FGF12: variants seen among roughly 807,000 people sequenced by gnomAD.
FGF12 encodes fibroblast growth factor 12B.
FGF12 carries 14 observed loss-of-function variants against 23.6 expected under a neutral mutation model. That is an observed-to-expected ratio of 0.59 (90% CI 0.39 to 0.93). FGF12 has a LOEUF of 0.93. Among genes scored for constraint, FGF12 ranks in the 40% least tolerant of loss-of-function variants. The probability of loss-of-function intolerance (pLI) is 0.00; values close to 1 mark genes in which losing one functional copy is unlikely to be tolerated. For synonymous variants in FGF12, 62 were observed against 77.3 expected, an observed-to-expected ratio of 0.80 and a Z score of 1.04; for missense variants, 175 against 217.8, an observed-to-expected ratio of 0.80 and a Z score of 1.24.
intron 2 of FGF12, among the ~76,000 whole-genome samples, chr3:192,503,603 G>GTTTT (rs3074674): frequency 2.0e-5 from 2 of 99,122 alleles, no homozygotes; most frequent in African/African-American, 3.9e-5. Flanking sequence ...GTGTGTGTGT[G>GTTTT]TTTTTTTTTT....
intron 4 of FGF12, among the ~76,000 whole-genome samples, chr3:192,203,594 G>A (rs539648822): frequency 1.4e-5 from 2 of 147,464 alleles, no homozygotes; most frequent in East Asian, 3.9e-4. Flanking sequence ...TGAAGATAGG[G>A]TCTTACTCTG....
intron 2 of FGF12, among the ~76,000 whole-genome samples, chr3:192,596,687 A>G (rs995557136): frequency 1.3e-5 from 2 of 152,232 alleles, no homozygotes; most frequent in Admixed American, 1.3e-4. Context: ...ATTTAGGATA[A>G]GCTAAAAGAT....
intron 2 of FGF12, among the ~76,000 whole-genome samples, chr3:192,489,586 G>A (rs1723739145): frequency 6.6e-6 from 1 of 152,064 alleles, no homozygotes; most frequent in African/African-American, 2.4e-5. Context: ...TTAGACTTGG[G>A]AAGAAGCCTT....
chr3:192,445,863 G>A (rs1722339215), intron 2 of FGF12, among the ~76,000 whole-genome samples: 2 of 152,144 alleles, frequency 1.3e-5, no homozygotes, highest in Admixed American at 1.3e-4. Flanking sequence ...GAACAGAGTT[G>A]TTCCTCTCCT....
rs140105588 is a variant in FGF12, at chr3:192,520,263, A to G, written c.14-159725T>C. ...AGAGATAGATATCGTTAATACTTCAATCCTAAGTCAATACCACCAGGTTCA... is the reference window on the plus strand; with the variant it reads ...AGAGATAGATATCGTTAATACTTCAGTCCTAAGTCAATACCACCAGGTTCA... On this transcript the variant is annotated intron_variant, in intron 2 of 5. Coordinates refer to ENST00000445105, the MANE Select transcript of FGF12 (RefSeq NM_004113.6). Among the ~76,000 whole-genome samples, 953 of 152,298 alleles carry G rather than the reference A, an allele frequency of 6.3e-3. 12 individuals are homozygous for G. Among genetic ancestry groups the G allele is most frequent in the African/African-American group, 0.021 (893 of 41,568 alleles).
chr3:192,457,412 C>T (rs1722714133), intron 2 of FGF12, among the ~76,000 whole-genome samples: 1 of 152,156 alleles, frequency 6.6e-6, no homozygotes, highest in African/African-American at 2.4e-5. Flanking sequence ...GACTACAATG[C>T]TGATAGTGAT....
At chr3:192,521,499 TAATA>T (rs1393350216) in intron 2 of FGF12, 3 of 152,200 alleles carry the variant, frequency 2.0e-5, no homozygotes, top group Non-Finnish European at 2.9e-5. Context: ...CAGTTCAGGA[TAATA>T]AATACTTATG....
chr3:192,692,237 C>CTGAT (rs1717964648), intron 2 of FGF12, among the ~76,000 whole-genome samples: 2 of 152,142 alleles, frequency 1.3e-5, no homozygotes, highest in Admixed American at 6.6e-5. Flanking sequence ...GCCAATACCT[C>CTGAT]TGATGAACAT....
At chr3:192,579,815 T>C (rs1846959) in intron 2 of FGF12, among the ~76,000 whole-genome samples, 117,161 of 152,086 alleles carry the variant, frequency 0.77, 45,486 homozygotes, top group East Asian at 0.97. Context: ...GGTGGTCCGA[T>C]CATCTCGGCC....
chr3:192,572,767 C>T (rs1183182395), intron 2 of FGF12, among the ~76,000 whole-genome samples: 1 of 152,128 alleles, frequency 6.6e-6, no homozygotes, highest in Non-Finnish European at 1.5e-5. Context: ...ACAATTTACA[C>T]CAAGAATTCT....
intron 2 of FGF12, among the ~76,000 whole-genome samples, chr3:192,588,192 T>C (rs529986438): frequency 2.0e-5 from 3 of 146,816 alleles, no homozygotes; most frequent in Non-Finnish European, 4.5e-5. Flanking sequence ...GAAAAAAAAA[T>C]ACAAAAAATT....
intron 4 of FGF12, among the ~76,000 whole-genome samples, chr3:192,190,596 CT>C (rs1716734386): frequency 6.6e-6 from 1 of 151,288 alleles, no homozygotes; most frequent in Non-Finnish European, 1.5e-5. Flanking sequence ...CTGCCTCAGC[CT>C]CCCGAGTAGC....
chr3:192,542,820 AG>A (rs369369400), intron 2 of FGF12, among the ~76,000 whole-genome samples: 32 of 152,252 alleles, frequency 2.1e-4, no homozygotes, highest in African/African-American at 7.5e-4. Context: ...CTGGATTACC[AG>A]GAAAAGACTC....
chr3:192,675,085 C>T (rs1045047493), intron 2 of FGF12, among the ~76,000 whole-genome samples: 4 of 152,042 alleles, frequency 2.6e-5, no homozygotes, highest in Non-Finnish European at 4.4e-5. Context: ...ATGCAGAAAC[C>T]AGTATCACTT....
At chr3:192,291,926 A>T (rs1714777502) in intron 4 of FGF12, among the ~76,000 whole-genome samples, 1 of 152,230 alleles carries the variant, frequency 6.6e-6, no homozygotes, top group Admixed American at 6.5e-5. Flanking sequence ...GCTATATTCA[A>T]CAATACGTGT....
intron 2 of FGF12, among the ~76,000 whole-genome samples, chr3:192,584,232 GA>G (rs1713280116): frequency 1.3e-5 from 2 of 152,112 alleles, no homozygotes; most frequent in African/African-American, 4.8e-5. Context: ...GGCATTTCCT[GA>G]GGGCACAACT....
rs115356908 is a variant in FGF12, at chr3:192,439,412, T to C, written c.14-78874A>G. ...TTTTCTCCATGTAATGCAACTCCTATAAAGGTCCTTTTAAAGCCACACCTT... is the reference window on the plus strand; with the variant it reads ...TTTTCTCCATGTAATGCAACTCCTACAAAGGTCCTTTTAAAGCCACACCTT... On this transcript the variant is annotated intron_variant, in intron 2 of 5. Transcript: ENST00000445105. 5.5e-3 allele frequency among the ~76,000 whole-genome samples: 841 copies of C among 152,312 alleles called. 8 individuals carry two copies. The highest frequency in any genetic ancestry group is 0.019 in the African/African-American group (771 of 41,568).
At chr3:192,290,522 A>G (rs1714698125) in intron 4 of FGF12, among the ~76,000 whole-genome samples, 1 of 152,144 alleles carries the variant, frequency 6.6e-6, no homozygotes, top group Admixed American at 6.6e-5. Flanking sequence ...GGGCAAGCCT[A>G]CTGAAGACAG....
At chr3:192,198,693 G>T (rs1201461544) in intron 4 of FGF12, among the ~76,000 whole-genome samples, 1 of 152,148 alleles carries the variant, frequency 6.6e-6, no homozygotes, top group Non-Finnish European at 1.5e-5. Context: ...CCTGAAATTT[G>T]TAATTACCAA....
Sources: gnomAD v4.1 joint callset for allele counts (sites outside exome capture counted in the v4.1 genomes callset) on GRCh38, gnomAD v4.1.1 for gene constraint, MANE v1.5 for transcripts, NCBI Gene and HGNC (gene_info 2026-07-23, HGNC 2026-07-21) for gene names.